The following TARS3 variants were observed in gnomAD, a reference collection of about 807,000 sequenced individuals.
The protein encoded by TARS3 is threonyl-tRNA synthetase 3.
Under a neutral mutation model 103.5 loss-of-function variants are expected in TARS3, and 94 were observed. The ratio of observed to expected loss-of-function variants is 0.91; its 90% confidence interval spans 0.77 to 1.08. The LOEUF is 1.08. Among genes scored for constraint, TARS3 ranks in the 50% least tolerant of loss-of-function variants. The pLI is 0.00. For synonymous variants in TARS3, 416 were observed against 355.4 expected (o/e 1.17, Z -1.92); for missense variants, 952 against 995.2 (o/e 0.96, Z 0.58).
At chr15:101,656,303 C>G (rs1329792163) in intron 18 of TARS3, among the ~76,000 whole-genome samples, 1 of 152,354 alleles carries the variant, frequency 6.6e-6, no homozygotes, top group East Asian at 1.9e-4. Context: ...CATTGAAACA[C>G]TGTCAATAGA....
chr15:101,679,497 G>A (rs980967878), intron 12 of TARS3, among the ~76,000 whole-genome samples: 3 of 151,486 alleles, frequency 2.0e-5, no homozygotes, highest in African/African-American at 4.9e-5. Context: ...CTGTTTCTTC[G>A]CTGACTTTGT....
chr15:101,716,119 C>T (rs113510495), intron 3 of TARS3, among the ~76,000 whole-genome samples: 2,275 of 151,808 alleles, frequency 0.015, 50 homozygotes, highest in African/African-American at 0.053. Flanking sequence ...TGGGTTCAAG[C>T]GATTCTCCTG....
In TARS3 at chr15:101,684,218, G is replaced by A. The variant is rs779302720; in HGVS notation, c.1507C>T (p.Pro503Ser). ...PGHCLMFAHR[P>S]RSWREMPIRF... ...ATAGGCATTTCCCTCCAAGATCGTG[G>A]ACGATGGGCAAACATTAGACTAGAA... Residue 503 changes from proline to serine, a missense_variant, in exon 12 of 19, where the codon CCA becomes TCA. Pro to Ser is a moderately conservative substitution (Grantham distance 74). Around this residue, in one of 2 missense-constraint regions of TARS3, gnomAD observed 540 missense variants for 631.0 expected, o/e 0.86. Transcript: ENST00000335968. 23 of 1,613,864 alleles carry A rather than the reference G, an allele frequency of 1.4e-5. No homozygotes were observed. Among genetic ancestry groups the A allele is most frequent in the Non-Finnish European group, 1.9e-5 (22 of 1,179,844 alleles).
intron 3 of TARS3, among the ~76,000 whole-genome samples, chr15:101,719,484 T>C (rs1900336439): frequency 6.6e-6 from 1 of 152,206 alleles, no homozygotes; most frequent in Non-Finnish European, 1.5e-5. Context: ...AGACTCTCTG[T>C]TGTTCCATAA....
chr15:101,674,131 C>T (rs1251419584), intron 13 of TARS3, among the ~76,000 whole-genome samples: 2 of 152,248 alleles, frequency 1.3e-5, no homozygotes, highest in Non-Finnish European at 2.9e-5. Flanking sequence ...ACCGTCCTTT[C>T]GTCCAGAGTC....
Position 101,724,464 on chromosome 15 carries a change from G to A in TARS3, c.-77C>T, listed in dbSNP as rs956325002. On this transcript the variant is annotated 5_prime_UTR_variant, in exon 1 of 19. Transcript: ENST00000335968. ...AGGGCGACGCGGACACTCAGCGCAC[G>A]GCAGAAGACAGGGCTCCCGGGAGGG... The A allele has an allele frequency of 4.5e-6, 6 of 1,342,246 alleles. No individual in the cohort carries two copies. The highest frequency in any genetic ancestry group is 2.7e-4 in the Middle Eastern group (1 of 3,650). 83.1% of individuals were successfully genotyped at this position (1,342,246 alleles called of 1,614,324 possible). A position where few individuals can be genotyped will look rare whatever the true frequency, so the allele number is the denominator to read the frequency against.
chr15:101,656,092 T>C (rs1032712785), intron 18 of TARS3: 2 of 1,265,850 alleles, frequency 1.6e-6, no homozygotes, highest in Admixed American at 4.6e-5. Flanking sequence ...GAACGAGAAA[T>C]GGGGAGAAAT....
intron 10 of TARS3, among the ~76,000 whole-genome samples, chr15:101,695,041 G>C (rs1257422558): frequency 6.6e-6 from 1 of 152,150 alleles, no homozygotes; most frequent in African/African-American, 2.4e-5. Flanking sequence ...TACTTAGTGA[G>C]AATGAATTGC....
chr15:101,669,890 A>C (rs1404821734), intron 15 of TARS3, among the ~76,000 whole-genome samples: 1 of 152,220 alleles, frequency 6.6e-6, no homozygotes, highest in African/African-American at 2.4e-5. Flanking sequence ...TATATGTCCA[A>C]CTAATTTCTG....
chr15:101,662,115 CT>C (rs1429875236), intron 15 of TARS3, among the ~76,000 whole-genome samples: 1 of 152,216 alleles, frequency 6.6e-6, no homozygotes, highest in African/African-American at 2.4e-5. Context: ...CCAATCTCAT[CT>C]GATCCAAATG....
chr15:101,699,808 G>C (rs1460106520), intron 10 of TARS3, among the ~76,000 whole-genome samples: 2 of 152,174 alleles, frequency 1.3e-5, no homozygotes, highest in African/African-American at 4.8e-5. Context: ...AATAACCAGT[G>C]CAGGCCACAT....
intron 5 of TARS3, among the ~76,000 whole-genome samples, chr15:101,711,420 C>G (rs1899861185): frequency 6.6e-6 from 1 of 152,144 alleles, no homozygotes; most frequent in Admixed American, 6.5e-5. Context: ...CTGCATGGGT[C>G]CACCTATATG....
At chr15:101,669,756 G>C (rs946922728) in intron 15 of TARS3, among the ~76,000 whole-genome samples, 4 of 152,188 alleles carry the variant, frequency 2.6e-5, no homozygotes, top group Non-Finnish European at 5.9e-5. Flanking sequence ...TATTAGCCTA[G>C]GTATGTAGTA....
chr15:101,680,871 T>C (rs962746282), intron 12 of TARS3, among the ~76,000 whole-genome samples: 4 of 152,212 alleles, frequency 2.6e-5, no homozygotes, highest in Non-Finnish European at 5.9e-5. Flanking sequence ...TGAGAAATCA[T>C]CACCTATCAC....
chr15:101,661,719 C>T lies in TARS3; in HGVS notation c.2065G>A (p.Gly689Arg), dbSNP rs553702327. 55 of 1,595,258 alleles carry T rather than the reference C, an allele frequency of 3.4e-5. No homozygotes were observed. Among genetic ancestry groups the T allele is most frequent in the South Asian group, 2.4e-4 (21 of 88,998 alleles). ...CTTTTCCATATCACTTACCATTTTC[C>T]GCCATAGTTTTCTGAAAGAATGGCT... ...MIAILSENYG[G>R]KWPFWLSPRQ... The change falls in exon 16 of 19, where the codon GGA becomes AGA. Residue 689 changes from glycine (G) to arginine (R), a missense_variant. By Grantham distance (125) the Gly-to-Arg change is moderately radical. Transcript: ENST00000335968.
At chr15:101,701,644 A>G (rs901042379) in intron 9 of TARS3, among the ~76,000 whole-genome samples, 4 of 152,218 alleles carry the variant, frequency 2.6e-5, no homozygotes, top group African/African-American at 9.6e-5. Context: ...CCCATCATCT[A>G]ACACAACTAG....
At position 101,657,837 on chromosome 15, in the gene TARS3, C is replaced by A. The variant is rs763895741; in HGVS notation, c.2093G>T (p.Arg698Leu). 6.2e-7 allele frequency: 1 copy of A among 1,606,748 alleles called. No individual in the cohort carries two copies. Among genetic ancestry groups the A allele is most frequent in the Non-Finnish European group, 8.5e-7 (1 of 1,176,006 alleles). The change falls in exon 17 of 19, where the codon CGT becomes CTT. Residue 698 changes from arginine to leucine, a missense_variant. Physicochemically the swap from Arg to Leu is moderately radical, Grantham distance 102. This residue lies in a region of TARS3 where 540 missense variants were observed against 631.0 expected (regional missense o/e 0.86). Transcript: ENST00000335968. Reference protein sequence around the residue: ...GGKWPFWLSPRQVMVIPVGPT... With the variant: ...GGKWPFWLSPLQVMVIPVGPT... ...CCCCACAGGGATGACCATCACCTGA[C>A]GAGGAGATAGCCAGAAAGGCCTGAA...
At chr15:101,694,970 G>T (rs1394508446) in intron 10 of TARS3, among the ~76,000 whole-genome samples, 2 of 152,172 alleles carry the variant, frequency 1.3e-5, no homozygotes, top group East Asian at 3.9e-4. Flanking sequence ...GCGAGTTTCG[G>T]ATTTGCAACG....
chr15:101,684,362 C>T, intron 11 of TARS3, 125 bp from the exon 12 acceptor site: 1 of 967,052 alleles, frequency 1.0e-6, no homozygotes, highest in Non-Finnish European at 1.4e-6. Flanking sequence ...TCTTAGATCA[C>T]CAGGTTAAAA....
Sources: allele counts gnomAD v4.1 joint callset (sites outside exome capture counted in the v4.1 genomes callset), GRCh38; gene constraint gnomAD v4.1.1; regional missense constraint gnomAD v4.1.1; transcripts MANE v1.5; gene names NCBI Gene and HGNC (gene_info 2026-07-23, HGNC 2026-07-21).